RAPGEF1: variants seen among roughly 807,000 people sequenced by gnomAD.
RAPGEF1 encodes the protein Rap guanine nucleotide exchange factor 1.
RAPGEF1 carries 33 observed loss-of-function variants against 143.3 expected under a neutral mutation model. The ratio of observed to expected loss-of-function variants is 0.23; its 90% CI spans 0.17 to 0.31. The LOEUF (loss-of-function observed/expected upper bound fraction) is 0.31. Among genes scored for constraint, RAPGEF1 ranks in the 10% least tolerant of loss-of-function variants. The pLI, the probability that RAPGEF1 is intolerant of heterozygous loss-of-function variation, is 1.00. For synonymous variants in RAPGEF1, 629 were observed against 676.5 expected (o/e 0.93, Z 1.09); for missense variants, 1,199 against 1,645.4 (o/e 0.73, Z 4.69).
intron 5 of RAPGEF1, among the ~76,000 whole-genome samples, chr9:131,632,709 C>T (rs1305424955): frequency 1.3e-5 from 2 of 152,140 alleles, no homozygotes; most frequent in Admixed American, 6.5e-5. Flanking sequence ...CTGTAATACA[C>T]TGAGTGGAAA....
At chr9:131,662,625 G>A (rs532799574) in intron 1 of RAPGEF1, among the ~76,000 whole-genome samples, 24 of 150,556 alleles carry the variant, frequency 1.6e-4, no homozygotes, top group Middle Eastern at 3.4e-3. Flanking sequence ...TCGGCTCACT[G>A]CCTTCCTGGT....
At chr9:131,680,369 G>A (rs1041583515) in intron 1 of RAPGEF1, among the ~76,000 whole-genome samples, 5 of 152,192 alleles carry the variant, frequency 3.3e-5, no homozygotes, top group African/African-American at 4.8e-5. Context: ...AAGGAGGAGA[G>A]GAGTGTTGGG....
intron 1 of RAPGEF1, 59 bp downstream of exon 1, chr9:131,739,711 G>A: frequency 9.7e-7 from 1 of 1,030,652 alleles, no homozygotes; most frequent in South Asian, 3.9e-5. Context: ...GGCCCGGGGA[G>A]CGGCGGAGCC....
rs549396816 is a variant in RAPGEF1 at position 131,583,830 on chromosome 9, A to G, written c.3414+481T>C. Reference sequence around the variant, plus strand: ...TTTGATTCTCTTCCCTTCCCAGGAAACTCCTCCTCCTCTGCAGATGGTGGC... The same window carrying G: ...TTTGATTCTCTTCCCTTCCCAGGAAGCTCCTCCTCCTCTGCAGATGGTGGC... On this transcript the variant is annotated intron_variant, in intron 24 of 26. Coordinates refer to ENST00000683357, the MANE Select transcript of RAPGEF1 (RefSeq NM_001377935.1). The surrounding 1 kb of genome is among the most constrained non-coding windows in gnomAD (Gnocchi z 4.7). Among the ~76,000 whole-genome samples, 1 of 150,924 alleles carries G rather than the reference A, an allele frequency of 6.6e-6. No individual in the cohort carries two copies. Among genetic ancestry groups the G allele is most frequent in the South Asian group, 2.1e-4 (1 of 4,766 alleles).
At chr9:131,708,754 G>A (rs1378753458) in intron 1 of RAPGEF1, among the ~76,000 whole-genome samples, 1 of 121,032 alleles carries the variant, frequency 8.3e-6, no homozygotes, top group Non-Finnish European at 1.7e-5. Context: ...TTTTTTTTGA[G>A]ACAGTTTCAC....
chr9:131,699,213 C>T (rs1425981150), intron 1 of RAPGEF1, among the ~76,000 whole-genome samples: 2 of 151,254 alleles, frequency 1.3e-5, no homozygotes, highest in African/African-American at 4.9e-5. Flanking sequence ...TTCTTTGACA[C>T]TTTCACACCC....
At chr9:131,597,121 T>C (rs1190422288) in intron 16 of RAPGEF1, among the ~76,000 whole-genome samples, 1 of 152,204 alleles carries the variant, frequency 6.6e-6, no homozygotes, top group African/African-American at 2.4e-5. Flanking sequence ...TTTCTGCCCC[T>C]GGCCCTCAAT....
At chr9:131,706,390 G>A (rs1342009355) in intron 1 of RAPGEF1, among the ~76,000 whole-genome samples, 1 of 152,078 alleles carries the variant, frequency 6.6e-6, no homozygotes, top group Non-Finnish European at 1.5e-5. Context: ...AGCCTCCTGA[G>A]TAGCTGGGAC....
intron 1 of RAPGEF1, among the ~76,000 whole-genome samples, chr9:131,733,377 T>TG (rs1837214536): frequency 6.3e-5 from 1 of 15,926 alleles, no homozygotes; most frequent in Non-Finnish European, 1.3e-4. Flanking sequence ...GGGGGGGGGG[T>TG]GGTGCGGGGT....
At chr9:131,607,808 C>T (rs1261669917) in intron 12 of RAPGEF1, among the ~76,000 whole-genome samples, 1 of 152,204 alleles carries the variant, frequency 6.6e-6, no homozygotes, top group Admixed American at 6.5e-5. Context: ...TCGGCGCCCC[C>T]GTGTAAAGTC....
chr9:131,694,797 CTT>C (rs60955547), intron 1 of RAPGEF1, among the ~76,000 whole-genome samples: 66 of 139,472 alleles, frequency 4.7e-4, no homozygotes, highest in African/African-American at 1.6e-3. Context: ...TTCACACTTT[CTT>C]TTTTTTTTTT....
At position 131,621,964 on chromosome 9, in the gene RAPGEF1, C is replaced by T. The variant is rs937593427; in HGVS notation, c.1737G>A (p.Ser579=). The change falls in exon 11 of 27, where the codon TCG becomes TCA. Residue 579 remains serine, a synonymous_variant. Coordinates refer to ENST00000683357, the MANE Select transcript of RAPGEF1 (RefSeq NM_001377935.1). This position sits in a 1 kb window ranked among gnomAD's most constrained non-coding sequence, Gnocchi z 4.5. ...GGTAGAACATAGAGGGCTGCGGCTCCGAGTAGTCCTCCAGCAACTGCATGT... is the reference window on the plus strand; with the variant it reads ...GGTAGAACATAGAGGGCTGCGGCTCTGAGTAGTCCTCCAGCAACTGCATGT... ...LAYMQLLEDY[S]EPQPSMFYQT... is the part of the protein sequence containing the mutation. The T allele has an allele frequency of 1.2e-5, 19 of 1,613,450 alleles. No homozygotes were observed. The highest frequency in any genetic ancestry group is 4.0e-5 in the African/African-American group (3 of 74,870).
At chr9:131,652,439 G>A (rs1299442839) in intron 1 of RAPGEF1, among the ~76,000 whole-genome samples, 2 of 152,018 alleles carry the variant, frequency 1.3e-5, no homozygotes, top group Non-Finnish European at 2.9e-5. Context: ...TTGTAGCGAT[G>A]AGGTCTCACT....
At chr9:131,598,163 G>C in intron 16 of RAPGEF1, 36 bp downstream of exon 16, 1 of 1,560,678 alleles carries the variant, frequency 6.4e-7, no homozygotes, top group East Asian at 2.2e-5. Context: ...CCTCTGTGGG[G>C]CCAGGCTGCA....
At chr9:131,582,835 CACAA>C in intron 24 of RAPGEF1, 133 bp from the exon 25 acceptor site, 1 of 678,354 alleles carries the variant, frequency 1.5e-6, no homozygotes, top group South Asian at 2.0e-5. Context: ...TCCCACTACG[CACAA>C]ACACCCAGCC....
intron 1 of RAPGEF1, among the ~76,000 whole-genome samples, chr9:131,698,897 C>T (rs1326887251): frequency 6.6e-6 from 1 of 152,162 alleles, no homozygotes; most frequent in Non-Finnish European, 1.5e-5. Flanking sequence ...AACTAGGTGC[C>T]CAGTTGTTAT....
chr9:131,708,879 C>T (rs940575193), intron 1 of RAPGEF1, among the ~76,000 whole-genome samples: 10 of 152,212 alleles, frequency 6.6e-5, no homozygotes, highest in Admixed American at 6.5e-4. Flanking sequence ...AATACAGGTG[C>T]CCACCACCAG....
At chr9:131,580,166 C>G in intron 26 of RAPGEF1, 97 bp downstream of exon 26, 2 of 1,502,422 alleles carry the variant, frequency 1.3e-6, no homozygotes, top group East Asian at 4.7e-5. Flanking sequence ...CCTGGGTCCT[C>G]TGTGGCTCCC....
intron 4 of RAPGEF1, 146 bp downstream of exon 4, chr9:131,643,093 G>A: frequency 4.6e-6 from 4 of 866,612 alleles, no homozygotes; most frequent in Non-Finnish European, 6.9e-6. Flanking sequence ...GATAGTTGTG[G>A]GGGGAGTGGT....
Sources: allele counts gnomAD v4.1 joint callset (sites outside exome capture counted in the v4.1 genomes callset), GRCh38; gene constraint gnomAD v4.1.1; non-coding constraint Gnocchi (gnomAD v3.1); transcripts MANE v1.5; gene names NCBI Gene and HGNC (gene_info 2026-07-23, HGNC 2026-07-21).